The following MEF2C variants were observed in gnomAD, a reference collection of about 807,000 sequenced individuals.
MEF2C encodes myocyte-specific enhancer factor 2C.
MEF2C carries 6 observed loss-of-function variants against 50.5 expected under a neutral mutation model. The observed-to-expected ratio is 0.12, with a 90% CI of 0.07 to 0.23. The LOEUF is 0.23. Ranked by LOEUF, MEF2C falls within the 10% of genes least tolerant of loss-of-function variation. MEF2C has a pLI of 1.00. For missense variants in MEF2C, 276 were observed against 605.0 expected (o/e 0.46, Z 5.70); for synonymous variants, 183 against 228.0 (o/e 0.80, Z 1.78).
At chr5:88,800,574 C>T (rs1364225245) in intron 3 of MEF2C, among the ~76,000 whole-genome samples, 1 of 152,142 alleles carries the variant, frequency 6.6e-6, no homozygotes, top group Non-Finnish European at 1.5e-5. Context: ...ACAACCACAT[C>T]TTCTTCCAGG....
intron 3 of MEF2C, chr5:88,780,961 C>T (rs2152868693): frequency 1.0e-6 from 1 of 985,024 alleles, no homozygotes; most frequent in Non-Finnish European, 1.2e-6. Context: ...CTAATGCTAT[C>T]TACCAGAGTT....
intron 2 of MEF2C, among the ~76,000 whole-genome samples, chr5:88,805,805 T>C (rs1800137179): frequency 6.7e-6 from 1 of 148,386 alleles, no homozygotes; most frequent in Non-Finnish European, 1.5e-5. Context: ...GTCTGGCTAC[T>C]GAAAAGGCGT....
rs978165233 is a variant in MEF2C at position 88,866,846 on chromosome 5, C to T, written c.-143+16109G>A. 3.3e-5 allele frequency among the ~76,000 whole-genome samples: 5 copies of T among 152,146 alleles called. No individual in the cohort carries two copies. The South Asian group carries it at 1.0e-3, about 31-fold the overall frequency. ...TGCACTAATTAAATTTACTGAATAA[C>T]TCCTGAAATCCATTTAATATTCATT... On this transcript the variant is annotated intron_variant, in intron 1 of 10. Transcript: ENST00000504921.
intron 3 of MEF2C, among the ~76,000 whole-genome samples, chr5:88,790,218 G>T (rs1793077031): frequency 6.6e-6 from 1 of 152,152 alleles, no homozygotes; most frequent in African/African-American, 2.4e-5. Flanking sequence ...CAGAATTTCA[G>T]TTGTAAGAAC....
chr5:88,807,297 A>T (rs1800887230), intron 2 of MEF2C, among the ~76,000 whole-genome samples: 1 of 152,046 alleles, frequency 6.6e-6, no homozygotes, highest in Non-Finnish European at 1.5e-5. Flanking sequence ...TAGAATAGCT[A>T]ACTGCAGCCT....
intron 1 of MEF2C, among the ~76,000 whole-genome samples, chr5:88,895,468 A>G (rs926493408): frequency 2.0e-5 from 3 of 152,168 alleles, no homozygotes; most frequent in Admixed American, 2.0e-4. Context: ...GTTACCTCAG[A>G]CATCTTCTAA....
chr5:88,822,519 TA>T (rs1458737897), intron 2 of MEF2C, among the ~76,000 whole-genome samples: 1 of 151,966 alleles, frequency 6.6e-6, no homozygotes, highest in East Asian at 1.9e-4. Flanking sequence ...TGAAAATATA[TA>T]ATAATTTAGA....
chr5:88,742,531 T>C, intron 6 of MEF2C: 22 of 980,828 alleles, frequency 2.2e-5, no homozygotes, highest in Non-Finnish European at 2.5e-5. Flanking sequence ...ATAAAAAGGA[T>C]ACAATTTGTG....
rs2292384 is a variant in MEF2C at position 88,732,254 on chromosome 5, G to C, written c.638-353C>G. Among the ~76,000 whole-genome samples, 6 of 152,154 alleles carry C rather than the reference G, an allele frequency of 3.9e-5. No homozygotes were observed. In the East Asian group the frequency reaches 1.2e-3, roughly 29 times the overall value. ...TGCACTTTAATTGACTAGCTTGGCG[G>C]AGGCCTGGCTGGCGTGACTCACTCT... On this transcript the variant is annotated intron_variant, in intron 6 of 10. Transcript: ENST00000504921.
In MEF2C at chr5:88,722,587, A is replaced by C. The variant is rs1421837918; in HGVS notation, c.*17T>G. On this transcript the variant is annotated 3_prime_UTR_variant, in exon 11 of 11. Coordinates refer to ENST00000504921, the MANE Select transcript of MEF2C (RefSeq NM_002397.5). Reference sequence around the variant, plus strand: ...ACACTGCAAGAAAAAAAAAAAAACTAGTAAGTAATAATCTGATCATGTTGC... The same window carrying C: ...ACACTGCAAGAAAAAAAAAAAAACTCGTAAGTAATAATCTGATCATGTTGC... 4 of 1,569,714 alleles carry C rather than the reference A, an allele frequency of 2.5e-6. No homozygotes were observed. The highest frequency in any genetic ancestry group is 1.9e-5 in the Admixed American group (1 of 52,024).
chr5:88,810,792 T>C (rs886926936), intron 2 of MEF2C, among the ~76,000 whole-genome samples: 5 of 152,228 alleles, frequency 3.3e-5, no homozygotes, highest in Admixed American at 1.3e-4. Flanking sequence ...TAGATGGGTA[T>C]ATAGGAAGGC....
rs1056654156 is a variant in MEF2C, at chr5:88,813,858, G to T, written c.55-9057C>A. On this transcript the variant is annotated intron_variant, in intron 2 of 10. Coordinates refer to ENST00000504921, the MANE Select transcript of MEF2C (RefSeq NM_002397.5). ...TACCCAGCTAATTCTATTTTCAAAG[G>T]TTTGAGGTTTGATCATTTTTTTTCC... Among the ~76,000 whole-genome samples the T allele has an allele frequency of 6.6e-5, 10 of 152,036 alleles. No individual in the cohort carries two copies. In the East Asian group the frequency reaches 1.9e-3, roughly 29 times the overall value.
intron 3 of MEF2C, 90 bp downstream of exon 3, chr5:88,804,508 G>T: frequency 8.7e-7 from 1 of 1,146,668 alleles, no homozygotes; most frequent in Non-Finnish European, 1.3e-6. Flanking sequence ...TTAAGAAAAA[G>T]AACATGATGT....
chr5:88,892,102 G>A (rs1386111922), intron 1 of MEF2C: 1 of 151,600 alleles, frequency 6.6e-6, no homozygotes, highest in Non-Finnish European at 1.5e-5. Context: ...TTTGCGTGTG[G>A]TTCAGCATTC....
intron 1 of MEF2C, among the ~76,000 whole-genome samples, chr5:88,869,975 CTG>C (rs1829017811): frequency 6.6e-6 from 1 of 151,284 alleles, no homozygotes; most frequent in Non-Finnish European, 1.5e-5. Flanking sequence ...GATCAAATAA[CTG>C]GTACTTACGG....
At chr5:88,865,256 G>A (rs2153434276) in intron 1 of MEF2C, among the ~76,000 whole-genome samples, 1 of 152,202 alleles carries the variant, frequency 6.6e-6, no homozygotes, top group East Asian at 1.9e-4. Context: ...ACTTATCTAA[G>A]CTAACTGTTC....
intron 2 of MEF2C, among the ~76,000 whole-genome samples, chr5:88,806,318 A>C (rs1431269269): frequency 6.6e-6 from 1 of 152,062 alleles, no homozygotes; most frequent in Non-Finnish European, 1.5e-5. Context: ...CCTACCCTTC[A>C]TCTTTCTCTT....
At chr5:88,834,724 G>A (rs1814392388) in intron 1 of MEF2C, among the ~76,000 whole-genome samples, 2 of 152,100 alleles carry the variant, frequency 1.3e-5, no homozygotes, top group South Asian at 4.1e-4. Context: ...ATTATTTGGA[G>A]GATGAATACT....
Position 88,880,857 on chromosome 5 carries a change from T to C in MEF2C, c.-143+2098A>G, listed in dbSNP as rs574538787. ...GAATAGCTCAGAAAAGGTGGAAAAC[T>C]GTTTTTATTATAAATTGCTCATTTG... is the stretch of plus-strand genomic sequence containing the variant. On this transcript the variant is annotated intron_variant, in intron 1 of 10. Coordinates refer to ENST00000504921, the MANE Select transcript of MEF2C (RefSeq NM_002397.5). The C allele has an allele frequency of 1.3e-4, 20 of 152,256 alleles. No individual in the cohort carries two copies. In the East Asian group the frequency reaches 3.9e-3, roughly 29 times the overall value. The allele number at this position is 152,256 out of a possible 1,614,324, so 9.4% of individuals were successfully genotyped here.
Sources: allele counts gnomAD v4.1 joint callset (sites outside exome capture counted in the v4.1 genomes callset), GRCh38; gene constraint gnomAD v4.1.1; transcripts MANE v1.5; gene names NCBI Gene and HGNC (gene_info 2026-07-23, HGNC 2026-07-21).